The following PCLO variants were observed in gnomAD, a reference collection of about 807,000 sequenced individuals.
PCLO encodes the protein piccolo presynaptic cytomatrix protein, also known as protein piccolo.
A neutral mutation model predicts 427.5 loss-of-function variants in PCLO; 82 were observed. The observed-to-expected ratio is 0.19, with a 90% CI of 0.16 to 0.23. PCLO has a LOEUF of 0.23. PCLO is among the 10% of genes least tolerant of loss of function. The probability of loss-of-function intolerance (pLI) is 1.00; values close to 1 mark genes in which losing one functional copy is unlikely to be tolerated. For synonymous variants in PCLO, 2,357 were observed against 2,155.4 expected (o/e 1.09, Z -2.59); for missense variants, 6,239 against 6,115.9 (o/e 1.02, Z -0.67).
intron 9 of PCLO, among the ~76,000 whole-genome samples, chr7:82,890,226 G>C (rs1793725789): frequency 6.6e-6 from 1 of 151,928 alleles, no homozygotes; most frequent in African/African-American, 2.4e-5. Context: ...GAGAAAATGG[G>C]TAAATACGTG....
intron 3 of PCLO, among the ~76,000 whole-genome samples, chr7:83,096,303 G>A (rs1790535977): frequency 6.6e-6 from 1 of 151,934 alleles, no homozygotes; most frequent in South Asian, 2.1e-4. Flanking sequence ...TAAACTCCAG[G>A]TTCACATTCT....
intron 3 of PCLO, among the ~76,000 whole-genome samples, chr7:82,999,558 T>TA (rs1389510850): frequency 4.3e-5 from 1 of 23,058 alleles, no homozygotes; most frequent in Non-Finnish European, 5.9e-5. Context: ...TAATATTATA[T>TA]TAAAATATAA....
intron 3 of PCLO, among the ~76,000 whole-genome samples, chr7:83,067,507 A>AAAG (rs1201326818): frequency 6.6e-6 from 1 of 152,130 alleles, no homozygotes; most frequent in Non-Finnish European, 1.5e-5. Context: ...TAATAAAGAC[A>AAAG]AAGAGTACAG....
chr7:82,880,513 G>A, intron 9 of PCLO: 1 of 255,230 alleles, frequency 3.9e-6, no homozygotes, highest in South Asian at 3.7e-5. Context: ...CACAGTGCTG[G>A]AATTACAGGC....
chr7:83,153,287 A>T (rs1792184250), intron 2 of PCLO, among the ~76,000 whole-genome samples: 1 of 151,642 alleles, frequency 6.6e-6, no homozygotes, highest in Admixed American at 6.6e-5. Flanking sequence ...CAAATGCAGC[A>T]TATTCTTATT....
chr7:83,045,619 T>C (rs1562936804), intron 3 of PCLO, among the ~76,000 whole-genome samples: 2 of 152,278 alleles, frequency 1.3e-5, no homozygotes, highest in East Asian at 3.9e-4. Flanking sequence ...GACCCTATCT[T>C]TCAATCTTCA....
intron 10 of PCLO, among the ~76,000 whole-genome samples, chr7:82,868,731 T>A (rs1335442410): frequency 1.3e-5 from 2 of 152,184 alleles, no homozygotes; most frequent in African/African-American, 4.8e-5. Flanking sequence ...TTTGTGCTCT[T>A]CCATGCTGTG....
At chr7:82,885,589 C>A (rs1793608066) in intron 9 of PCLO, among the ~76,000 whole-genome samples, 1 of 151,936 alleles carries the variant, frequency 6.6e-6, no homozygotes. Flanking sequence ...GTGCACACAA[C>A]ATATGTAGAC....
chr7:83,075,310 A>T (rs1789923970), intron 3 of PCLO, among the ~76,000 whole-genome samples: 1 of 152,146 alleles, frequency 6.6e-6, no homozygotes, highest in Non-Finnish European at 1.5e-5. Context: ...GATTTGGATG[A>T]GGAGTCAGTC....
chr7:83,019,711 A>G (rs1317663578), intron 3 of PCLO, among the ~76,000 whole-genome samples: 2 of 152,094 alleles, frequency 1.3e-5, no homozygotes, highest in Non-Finnish European at 2.9e-5. Context: ...CTATGCATGA[A>G]GCACAAGTGG....
intron 3 of PCLO, among the ~76,000 whole-genome samples, chr7:83,029,678 A>G (rs1214349802): frequency 2.6e-4 from 33 of 125,594 alleles, no homozygotes; most frequent in African/African-American, 9.3e-4. Flanking sequence ...TTACTGCGGC[A>G]TTATTCACAA....
chr7:82,983,096 T>C (rs963191386), intron 3 of PCLO, among the ~76,000 whole-genome samples: 4 of 151,590 alleles, frequency 2.6e-5, no homozygotes, highest in Non-Finnish European at 5.9e-5. Context: ...TAAAATTGCT[T>C]TTATTTATAT....
At chr7:82,857,271 G>A (rs1792832369) in intron 10 of PCLO, among the ~76,000 whole-genome samples, 1 of 151,968 alleles carries the variant, frequency 6.6e-6, no homozygotes, top group Admixed American at 6.6e-5. Context: ...TTAATTGAAT[G>A]GACTTAGGAA....
At chr7:82,772,620 A>C (rs1478737996) in intron 22 of PCLO, among the ~76,000 whole-genome samples, 1 of 152,198 alleles carries the variant, frequency 6.6e-6, no homozygotes, top group East Asian at 1.9e-4. Flanking sequence ...AAAGTAGGAC[A>C]AGCCTGCACA....
At chr7:83,137,764 G>A (rs887029858) in intron 2 of PCLO, among the ~76,000 whole-genome samples, 1 of 151,986 alleles carries the variant, frequency 6.6e-6, no homozygotes, top group Non-Finnish European at 1.5e-5. Context: ...TTGCAATATG[G>A]GTATTATACA....
intron 3 of PCLO, among the ~76,000 whole-genome samples, chr7:83,123,930 A>G (rs1791353390): frequency 6.8e-6 from 1 of 147,658 alleles, no homozygotes; most frequent in Admixed American, 6.8e-5. Flanking sequence ...TGTCTCTACT[A>G]AAAATACAAG....
chr7:82,838,667 T>C (rs1792289480), intron 14 of PCLO, among the ~76,000 whole-genome samples: 1 of 151,978 alleles, frequency 6.6e-6, no homozygotes. Context: ...ATAGTAAATG[T>C]TGTTAATGTT....
At chr7:83,028,856 T>G (rs1454247012) in intron 3 of PCLO, among the ~76,000 whole-genome samples, 1 of 151,482 alleles carries the variant, frequency 6.6e-6, no homozygotes, top group Non-Finnish European at 1.5e-5. Context: ...AAGCAATGGG[T>G]AACGGATTCC....
intron 3 of PCLO, among the ~76,000 whole-genome samples, chr7:83,084,342 A>G (rs2116410400): frequency 6.6e-6 from 1 of 152,250 alleles, no homozygotes; most frequent in Middle Eastern, 3.4e-3. Flanking sequence ...AAAATCTTTG[A>G]AGCCCGGTAG....
Sources: gnomAD v4.1 joint callset for allele counts (sites outside exome capture counted in the v4.1 genomes callset) on GRCh38, gnomAD v4.1.1 for gene constraint, MANE v1.5 for transcripts, NCBI Gene and HGNC (gene_info 2026-07-23, HGNC 2026-07-21) for gene names.